The following CDH13 variants were observed in gnomAD, a reference collection of about 807,000 sequenced individuals.
CDH13 encodes the protein cadherin-13.
CDH13 carries 24 observed loss-of-function variants against 63.8 expected under a neutral mutation model. That is an observed-to-expected ratio of 0.38 (90% CI 0.27 to 0.53). The LOEUF is 0.53. Among genes scored for constraint, CDH13 ranks in the 20% least tolerant of loss-of-function variants. The probability of loss-of-function intolerance (pLI) is 0.85; values close to 1 mark genes in which losing one functional copy is unlikely to be tolerated. For missense variants in CDH13, 1,049 were observed against 903.1 expected (o/e 1.16, Z -2.07); for synonymous variants, 503 against 355.3 (o/e 1.42, Z -4.67).
intron 4 of CDH13, among the ~76,000 whole-genome samples, chr16:83,182,761 C>G (rs2038386230): frequency 6.6e-6 from 1 of 152,142 alleles, no homozygotes; most frequent in Non-Finnish European, 1.5e-5. Flanking sequence ...TGAGCGAAAA[C>G]CAAATTCAGA....
chr16:82,997,035 G>A (rs2076949051), intron 2 of CDH13, among the ~76,000 whole-genome samples: 1 of 121,626 alleles, frequency 8.2e-6, no homozygotes, highest in African/African-American at 3.8e-5. Flanking sequence ...GGTGATGGTG[G>A]TGATGATGAT....
At chr16:82,842,149 T>TATATATAC (rs2039058790) in intron 1 of CDH13, among the ~76,000 whole-genome samples, 3 of 37,610 alleles carry the variant, frequency 8.0e-5, no homozygotes, top group Admixed American at 3.4e-4. Context: ...CACATATATA[T>TATATATAC]ATATATATAT....
At chr16:83,024,838 G>C (rs73594256) in intron 2 of CDH13, among the ~76,000 whole-genome samples, 4,197 of 152,182 alleles carry the variant, frequency 0.028, 197 homozygotes, top group African/African-American at 0.096. Flanking sequence ...CTTTAATATC[G>C]TTTTTCCTTC....
At chr16:82,951,606 GT>G (rs1180208104) in intron 2 of CDH13, among the ~76,000 whole-genome samples, 1 of 152,172 alleles carries the variant, frequency 6.6e-6, no homozygotes, top group East Asian at 1.9e-4. Context: ...CCAAGCAGGA[GT>G]TTCCTTACTG....
chr16:83,331,890 T>C (rs570850353), intron 5 of CDH13, among the ~76,000 whole-genome samples: 124 of 152,278 alleles, frequency 8.1e-4, no homozygotes, highest in African/African-American at 2.8e-3. Flanking sequence ...TTTCTATCTT[T>C]AAGCAATATT....
intron 6 of CDH13, among the ~76,000 whole-genome samples, chr16:83,348,400 A>G (rs945871079): frequency 1.3e-5 from 2 of 152,210 alleles, no homozygotes; most frequent in Non-Finnish European, 2.9e-5. Flanking sequence ...AACGGTGTTA[A>G]GTGTTGAGGC....
intron 5 of CDH13, among the ~76,000 whole-genome samples, chr16:83,314,941 A>G (rs1221385158): frequency 1.3e-5 from 2 of 152,182 alleles, no homozygotes; most frequent in African/African-American, 4.8e-5. Context: ...TTCTCTGAGC[A>G]GTGTGATATA....
chr16:82,724,868 G>T lies in CDH13; in HGVS notation c.45+97731G>T, dbSNP rs1290050543. ...TCGTACACCCTCAGTCTTCCAGTTG[G>T]ATGTCCTTGGCTGGGTCAGCCATTC... is the stretch of plus-strand genomic sequence containing the variant. On this transcript the variant is annotated intron_variant, in intron 1 of 13. Coordinates refer to ENST00000567109, the MANE Select transcript of CDH13 (RefSeq NM_001257.5). Among the ~76,000 whole-genome samples, 3 of 152,266 alleles carry T rather than the reference G, an allele frequency of 2.0e-5. No individual in the cohort carries two copies. The East Asian group carries it at 5.8e-4, about 29-fold the overall frequency.
At chr16:82,912,224 A>C (rs376318674) in intron 2 of CDH13, among the ~76,000 whole-genome samples, 2 of 16,352 alleles carry the variant, frequency 1.2e-4, no homozygotes, top group Non-Finnish European at 3.7e-4. Context: ...TTGTTTCTGC[A>C]TGTTAATATT....
Position 83,678,188 on chromosome 16 carries a change from C to T in CDH13, c.1285-20C>T. The T allele has an allele frequency of 1.3e-6, 2 of 1,598,624 alleles. No homozygotes were observed. Among genetic ancestry groups the T allele is most frequent in the Non-Finnish European group, 1.7e-6 (2 of 1,169,684 alleles). On this transcript the variant is annotated intron_variant, in intron 9 of 13. Transcript: ENST00000567109. The stretch of plus-strand genomic sequence containing the variant: ...TTTGTGGCTGGTGTGCATCCTGAGA[C>T]CCTTCTGTCTGCTTTCCAGCCATTG...
chr16:83,008,684 G>A (rs922023603), intron 2 of CDH13, among the ~76,000 whole-genome samples: 3 of 152,254 alleles, frequency 2.0e-5, no homozygotes, highest in Admixed American at 2.0e-4. Flanking sequence ...TCAGTGAGGA[G>A]CTTACCACCG....
At chr16:83,433,846 T>A (rs1197091684) in intron 6 of CDH13, among the ~76,000 whole-genome samples, 1 of 152,178 alleles carries the variant, frequency 6.6e-6, no homozygotes, top group African/African-American at 2.4e-5. Flanking sequence ...TTGGTAGTAG[T>A]TGGTAATGAT....
intron 1 of CDH13, among the ~76,000 whole-genome samples, chr16:82,818,960 C>T (rs2037864131): frequency 6.6e-6 from 1 of 152,156 alleles, no homozygotes; most frequent in South Asian, 2.1e-4. Context: ...TTTTGAGGAT[C>T]AGTAATCATA....
chr16:82,895,777 G>A (rs550831574), intron 2 of CDH13, among the ~76,000 whole-genome samples: 6 of 151,754 alleles, frequency 4.0e-5, no homozygotes, highest in Admixed American at 3.9e-4. Context: ...CAATGAAATA[G>A]CTTTAAGGGA....
intron 13 of CDH13, among the ~76,000 whole-genome samples, chr16:83,789,725 G>T (rs911516344): frequency 2.0e-5 from 3 of 152,168 alleles, no homozygotes; most frequent in Non-Finnish European, 2.9e-5. Flanking sequence ...AAGGAAATCA[G>T]CTGGTAGAAT....
At chr16:82,844,920 G>A (rs2039196400) in intron 1 of CDH13, among the ~76,000 whole-genome samples, 1 of 151,958 alleles carries the variant, frequency 6.6e-6, no homozygotes, top group Admixed American at 6.5e-5. Context: ...CCCCCAAAGT[G>A]CTGGGATTAC....
chr16:83,405,475 G>T (rs568806075), intron 6 of CDH13, among the ~76,000 whole-genome samples: 1 of 152,304 alleles, frequency 6.6e-6, no homozygotes, highest in South Asian at 2.1e-4. Flanking sequence ...GAAGTTGGAG[G>T]AAGAGGCCAT....
intron 7 of CDH13, among the ~76,000 whole-genome samples, chr16:83,599,356 G>C (rs142203015): frequency 1.3e-5 from 2 of 152,326 alleles, no homozygotes; most frequent in Non-Finnish European, 2.9e-5. Context: ...AGCCCTGTCT[G>C]AGATCAAAAG....
At position 83,125,486 on chromosome 16, in the gene CDH13, A is replaced by G; in HGVS notation, c.468A>G (p.Pro156=). ...CAGAGAATCAGAGACAGCCTTTCCCAAGAGATGTTGGCAAGGTAAGTCAGA... is the reference window on the plus strand; with the variant it reads ...CAGAGAATCAGAGACAGCCTTTCCCGAGAGATGTTGGCAAGGTAAGTCAGA... ...LIPENQRQPF[P]RDVGKVVDSD... Residue 156 remains proline (P), a synonymous_variant, in exon 4 of 14, where the codon CCA becomes CCG. Transcript: ENST00000567109. 3 of 1,594,592 alleles carry G rather than the reference A, an allele frequency of 1.9e-6. No individual in the cohort carries two copies. The highest frequency in any genetic ancestry group is 2.6e-6 in the Non-Finnish European group (3 of 1,162,432).
Sources: allele counts gnomAD v4.1 joint callset (sites outside exome capture counted in the v4.1 genomes callset), GRCh38; gene constraint gnomAD v4.1.1; transcripts MANE v1.5; gene names NCBI Gene and HGNC (gene_info 2026-07-23, HGNC 2026-07-21).